Variants in UBAP2 observed in about 807,000 individuals in gnomAD.
The protein encoded by UBAP2 is ubiquitin-associated protein 2.
In UBAP2, 75 loss-of-function variants were observed where a neutral mutation model predicts 139.6. That is an observed-to-expected ratio of 0.54 (90% CI 0.45 to 0.65). The LOEUF (loss-of-function observed/expected upper bound fraction) is 0.65. Among genes scored for constraint, UBAP2 ranks in the 30% least tolerant of loss-of-function variants. UBAP2 has a pLI of 0.00. For synonymous variants in UBAP2, 526 were observed against 526.2 expected (o/e 1.00, Z 0.01); for missense variants, 1,368 against 1,369.6 (o/e 1.00, Z 0.02).
At chr9:33,956,236 C>T (rs1010706337) in intron 10 of UBAP2, 90 bp from the exon 11 acceptor site, 3 of 844,184 alleles carry the variant, frequency 3.6e-6, no homozygotes, top group Admixed American at 2.2e-5. Flanking sequence ...CATCAGTAGT[C>T]TCTTACACTT....
intron 6 of UBAP2, among the ~76,000 whole-genome samples, chr9:33,974,450 T>A (rs1024203430): frequency 2.0e-5 from 3 of 152,082 alleles, no homozygotes; most frequent in Admixed American, 6.6e-5. Flanking sequence ...GAGGCTGCAG[T>A]GAGCTGAGAT....
intron 1 of UBAP2, among the ~76,000 whole-genome samples, chr9:34,045,360 G>A: frequency 6.6e-6 from 1 of 150,656 alleles, no homozygotes; most frequent in Non-Finnish European, 1.5e-5. Flanking sequence ...AAAAAGGGTA[G>A]AAAAAAATAA....
intron 4 of UBAP2, among the ~76,000 whole-genome samples, chr9:33,993,082 T>C (rs1821857659): frequency 6.6e-6 from 1 of 152,206 alleles, no homozygotes; most frequent in Admixed American, 6.5e-5. Flanking sequence ...AACATTATGA[T>C]GAAACAAAAA....
intron 1 of UBAP2, among the ~76,000 whole-genome samples, chr9:34,036,178 G>A (rs2131349052): frequency 1.3e-5 from 2 of 150,468 alleles, no homozygotes; most frequent in South Asian, 4.2e-4. Context: ...ACAATGGCAT[G>A]ATCTTGGCTC....
At chr9:34,020,473 C>T (rs1048170307) in intron 1 of UBAP2, among the ~76,000 whole-genome samples, 3 of 151,894 alleles carry the variant, frequency 2.0e-5, no homozygotes, top group Non-Finnish European at 4.4e-5. Flanking sequence ...CAGAGGCACG[C>T]GCCACCATGC....
At chr9:33,942,617 A>C (rs1016627009) in intron 15 of UBAP2, among the ~76,000 whole-genome samples, 16 of 151,598 alleles carry the variant, frequency 1.1e-4, no homozygotes, top group African/African-American at 3.9e-4. Context: ...GTAATCCCAG[A>C]TACTCAGGAG....
In UBAP2 at chr9:33,986,772, C is replaced by A; in HGVS notation, c.508G>T (p.Ala170Ser). Residue 170 changes from alanine to serine, a missense_variant, in exon 6 of 29, where the codon GCC becomes TCC. Ala to Ser is a moderately conservative substitution (Grantham distance 99). Transcript: ENST00000379238. ...TACTCTAGCTTACCTCTACCCCGGG[C>A]TCGCTTGCCACGATCTGAAGGTTTG... ...VDKPSDRGKR[A>S]RGRGFGRGRG... The A allele has an allele frequency of 6.2e-7, 1 of 1,614,088 alleles. No homozygotes were observed. The highest frequency in any genetic ancestry group is 8.5e-7 in the Non-Finnish European group (1 of 1,179,994).
intron 6 of UBAP2, among the ~76,000 whole-genome samples, chr9:33,984,507 A>ATT (rs200223875): frequency 4.1e-5 from 6 of 148,120 alleles, no homozygotes; most frequent in African/African-American, 1.5e-4. Context: ...TTAAAAAAAA[A>ATT]ATTTTTTTTT....
At chr9:33,984,599 G>C (rs1301656612) in intron 6 of UBAP2, among the ~76,000 whole-genome samples, 1 of 151,616 alleles carries the variant, frequency 6.6e-6, no homozygotes, top group Non-Finnish European at 1.5e-5. Context: ...TATCACTTGA[G>C]CCCAGGATTT....
At chr9:33,997,396 A>G (rs1471421799) in intron 3 of UBAP2, 1 of 152,234 alleles carries the variant, frequency 6.6e-6, no homozygotes, top group Non-Finnish European at 1.5e-5. Context: ...TGATCCCAAC[A>G]TATCAAGTGA....
chr9:33,995,438 T>C (rs1307393820), intron 4 of UBAP2: 1 of 120,224 alleles, frequency 8.3e-6, no homozygotes, highest in African/African-American at 4.3e-5. Flanking sequence ...ATTAAACAAA[T>C]ATTATAAATA....
chr9:34,020,002 A>C (rs994002635), intron 1 of UBAP2, among the ~76,000 whole-genome samples: 22 of 151,898 alleles, frequency 1.4e-4, no homozygotes, highest in African/African-American at 5.3e-4. Flanking sequence ...TCTACTAAAA[A>C]TACAAAAATT....
chr9:34,001,918 A>C (rs974962051), intron 2 of UBAP2, among the ~76,000 whole-genome samples: 2 of 151,966 alleles, frequency 1.3e-5, no homozygotes, highest in African/African-American at 4.8e-5. Context: ...TAAAGTGACC[A>C]TCTAACACCA....
chr9:33,996,246 A>C lies in UBAP2; in HGVS notation c.265T>G (p.Leu89Val). 6.2e-7 allele frequency: 1 copy of C among 1,612,870 alleles called. No homozygotes were observed. The highest frequency in any genetic ancestry group is 1.1e-5 in the South Asian group (1 of 90,974). The stretch of plus-strand genomic sequence containing the variant: ...ACTGTGTCTGAATTCCCTTCCAGCA[A>C]TATATTGATAGCTTTGTTCACATCT... ...NGDVNKAINI[L>V]LEGNSDTTSW... is the part of the protein sequence containing the mutation. Residue 89 changes from leucine to valine, a missense_variant, in exon 4 of 29, where the codon TTG (leucine) becomes GTG (valine). By Grantham distance (32) the Leu-to-Val change is conservative. Coordinates refer to ENST00000379238, the MANE Select transcript of UBAP2 (RefSeq NM_001370062.2).
chr9:34,007,323 G>A (rs577296639), intron 2 of UBAP2, among the ~76,000 whole-genome samples: 26 of 151,998 alleles, frequency 1.7e-4, no homozygotes, highest in Non-Finnish European at 2.9e-4. Context: ...TTGGTGAGAC[G>A]CTGTCTCTTC....
At chr9:33,957,824 G>A (rs1826694966) in intron 10 of UBAP2, among the ~76,000 whole-genome samples, 1 of 152,150 alleles carries the variant, frequency 6.6e-6, no homozygotes, top group South Asian at 2.1e-4. Context: ...TGTGTAAGCA[G>A]GAGGTAGAGG....
At chr9:33,924,105 C>G in intron 23 of UBAP2, 101 bp downstream of exon 23, 3 of 1,581,120 alleles carry the variant, frequency 1.9e-6, no homozygotes, top group Non-Finnish European at 2.6e-6. Context: ...TCAGCACAGG[C>G]TACTAAGAGG....
At chr9:34,044,274 G>A (rs1224214491) in intron 1 of UBAP2, among the ~76,000 whole-genome samples, 9 of 151,970 alleles carry the variant, frequency 5.9e-5, no homozygotes, top group East Asian at 1.9e-4. Context: ...GACAGCACAC[G>A]CCTGTAGTCC....
At chr9:33,957,650 A>G (rs532424771) in intron 10 of UBAP2, among the ~76,000 whole-genome samples, 1 of 152,284 alleles carries the variant, frequency 6.6e-6, no homozygotes, top group East Asian at 1.9e-4. Flanking sequence ...TATTCTTTTT[A>G]TGTTTTCAAT....
Sources: allele counts gnomAD v4.1 joint callset (sites outside exome capture counted in the v4.1 genomes callset), GRCh38; gene constraint gnomAD v4.1.1; transcripts MANE v1.5; gene names NCBI Gene and HGNC (gene_info 2026-07-23, HGNC 2026-07-21).